The following PRKACB variants were observed in gnomAD, a reference collection of about 807,000 sequenced individuals.
PRKACB encodes the protein protein kinase cAMP-activated catalytic subunit beta, also known as cAMP-dependent protein kinase catalytic subunit beta.
PRKACB carries 16 observed loss-of-function variants against 51.4 expected under a neutral mutation model. The observed-to-expected ratio is 0.31, with a 90% confidence interval of 0.21 to 0.47. The LOEUF (loss-of-function observed/expected upper bound fraction) is 0.47. Ranked by LOEUF, PRKACB falls within the 20% of genes least tolerant of loss-of-function variation. PRKACB has a pLI of 1.00. For missense variants in PRKACB, 309 were observed against 464.5 expected (o/e 0.67, Z 3.08); for synonymous variants, 147 against 154.4 (o/e 0.95, Z 0.35).
intron 9 of PRKACB, among the ~76,000 whole-genome samples, chr1:84,226,890 T>C (rs370664387): frequency 6.6e-6 from 1 of 152,184 alleles, no homozygotes; most frequent in East Asian, 1.9e-4. Flanking sequence ...TTGGCTGAGA[T>C]AGGTATTCTT....
At chr1:84,161,581 T>A (rs1656200854) in intron 1 of PRKACB, among the ~76,000 whole-genome samples, 1 of 151,846 alleles carries the variant, frequency 6.6e-6, no homozygotes, top group African/African-American at 2.4e-5. Flanking sequence ...TTTAATTATT[T>A]GGTTTTGATT....
intron 1 of PRKACB, among the ~76,000 whole-genome samples, chr1:84,133,066 G>A (rs1437789833): frequency 4.6e-5 from 7 of 151,942 alleles, no homozygotes; most frequent in Non-Finnish European, 7.4e-5. Context: ...TAAGTAAACC[G>A]TGCACATTAT....
chr1:84,126,113 C>T (rs1005646559), intron 1 of PRKACB, among the ~76,000 whole-genome samples: 6 of 152,100 alleles, frequency 3.9e-5, no homozygotes, highest in Middle Eastern at 3.4e-3. Context: ...CCTGTGACCT[C>T]CGGAGTCCTA....
intron 5 of PRKACB, among the ~76,000 whole-genome samples, chr1:84,189,719 G>A (rs2101082608): frequency 6.6e-6 from 1 of 152,032 alleles, no homozygotes; most frequent in South Asian, 2.1e-4. Context: ...TAGATCTCAG[G>A]AAGAAATGTG....
In PRKACB at chr1:84,237,446, G is replaced by T. The variant is rs993947559; in HGVS notation, c.*2141G>T. 1 of 152,386 alleles carries T rather than the reference G, an allele frequency of 6.6e-6. No homozygotes were observed. The allele number at this position is 152,386 out of a possible 1,614,324, so 9.4% of individuals were successfully genotyped here. On this transcript the variant is annotated 3_prime_UTR_variant, in exon 10 of 10. Coordinates refer to ENST00000370685, the MANE Select transcript of PRKACB (RefSeq NM_182948.4). ...AATTCTAAAAAATATTTTTTTCTAT[G>T]AAATTACTAGTGCCCAGCTGTAGAA...
intron 1 of PRKACB, chr1:84,157,239 A>G (rs905580023): frequency 6.6e-6 from 1 of 152,142 alleles, no homozygotes; most frequent in Non-Finnish European, 1.5e-5. Flanking sequence ...ATGAAGCCTC[A>G]AAAGATTTTG....
At chr1:84,134,210 A>T (rs1385972632) in intron 1 of PRKACB, among the ~76,000 whole-genome samples, 1 of 152,062 alleles carries the variant, frequency 6.6e-6, no homozygotes, top group Admixed American at 6.5e-5. Context: ...CAGCTGGGTC[A>T]GGGGTTTTTA....
At chr1:84,124,728 A>G (rs1013972640) in intron 1 of PRKACB, among the ~76,000 whole-genome samples, 3 of 152,164 alleles carry the variant, frequency 2.0e-5, no homozygotes, top group Non-Finnish European at 2.9e-5. Flanking sequence ...CTGTGGTGGT[A>G]GTGGTGGTTG....
intron 1 of PRKACB, among the ~76,000 whole-genome samples, chr1:84,093,996 T>G (rs79759669): frequency 0.013 from 1,956 of 152,072 alleles, 53 homozygotes; most frequent in African/African-American, 0.044. Context: ...TGTAAGTTAT[T>G]TATAGATACA....
At chr1:84,203,054 A>G (rs1670587973) in intron 8 of PRKACB, among the ~76,000 whole-genome samples, 1 of 152,038 alleles carries the variant, frequency 6.6e-6, no homozygotes, top group Non-Finnish European at 1.5e-5. Context: ...CACAAAGAAC[A>G]GGATCATAGC....
chr1:84,145,169 C>A (rs893722577), intron 1 of PRKACB, among the ~76,000 whole-genome samples: 1 of 152,052 alleles, frequency 6.6e-6, no homozygotes, highest in African/African-American at 2.4e-5. Context: ...GAATCACATT[C>A]TTTCAGGCAT....
intron 5 of PRKACB, among the ~76,000 whole-genome samples, chr1:84,189,807 G>A (rs1666219759): frequency 6.6e-6 from 1 of 151,976 alleles, no homozygotes; most frequent in Admixed American, 6.6e-5. Flanking sequence ...ACCTTTTGCA[G>A]TATTATTGAG....
chr1:84,222,148 A>G (rs1353747037), intron 9 of PRKACB, among the ~76,000 whole-genome samples: 1 of 152,034 alleles, frequency 6.6e-6, no homozygotes, highest in Non-Finnish European at 1.5e-5. Context: ...CTTTTGCTGA[A>G]TTCATCCCTT....
At chr1:84,087,664 T>C (rs1255063557) in intron 1 of PRKACB, among the ~76,000 whole-genome samples, 1 of 152,144 alleles carries the variant, frequency 6.6e-6, no homozygotes, top group Non-Finnish European at 1.5e-5. Context: ...TGCAGGTGTG[T>C]ACCATCGAGG....
At chr1:84,197,910 A>G (rs1668657696) in intron 7 of PRKACB, 86 bp downstream of exon 7, 1 of 890,818 alleles carries the variant, frequency 1.1e-6, no homozygotes. Context: ...TATTGATCTA[A>G]TTTTACATTT....
intron 5 of PRKACB, among the ~76,000 whole-genome samples, chr1:84,193,090 A>T (rs1329625536): frequency 6.6e-6 from 1 of 152,156 alleles, no homozygotes. Context: ...ACAGGGGGAA[A>T]ATAACCCTCC....
At chr1:84,086,181 G>A (rs1647969963) in intron 1 of PRKACB, 1 of 1,598,932 alleles carries the variant, frequency 6.3e-7, no homozygotes, top group Non-Finnish European at 8.6e-7. Flanking sequence ...AAGTTTGTGG[G>A]CATCAAAGAT....
At chr1:84,093,987 G>GT (rs1383425438) in intron 1 of PRKACB, among the ~76,000 whole-genome samples, 1 of 151,826 alleles carries the variant, frequency 6.6e-6, no homozygotes, top group Non-Finnish European at 1.5e-5. Context: ...TTTATTAACT[G>GT]TAAGTTATTT....
chr1:84,090,036 G>A (rs1648327804), intron 1 of PRKACB, among the ~76,000 whole-genome samples: 1 of 152,162 alleles, frequency 6.6e-6, no homozygotes, highest in Admixed American at 6.5e-5. Flanking sequence ...CAAGAGCTAA[G>A]CACTGCTAGA....
Sources: allele counts gnomAD v4.1 joint callset (sites outside exome capture counted in the v4.1 genomes callset), GRCh38; gene constraint gnomAD v4.1.1; transcripts MANE v1.5; gene names NCBI Gene and HGNC (gene_info 2026-07-23, HGNC 2026-07-21).